The following B3GLCT variants were observed in gnomAD, a reference collection of about 807,000 sequenced individuals.
The protein encoded by B3GLCT is beta-1,3-glucosyltransferase.
A neutral mutation model predicts 63.4 loss-of-function variants in B3GLCT; 65 were observed. The ratio of observed to expected loss-of-function variants is 1.03; its 90% CI spans 0.84 to 1.26. The LOEUF (loss-of-function observed/expected upper bound fraction) is 1.26, where lower values mean the gene tolerates loss of function less well. Ranked by LOEUF, B3GLCT falls within the 50% of genes most tolerant of loss-of-function variation. B3GLCT has a pLI of 0.00. For missense variants in B3GLCT, 577 were observed against 604.8 expected (o/e 0.95, Z 0.48); for synonymous variants, 233 against 219.2 (o/e 1.06, Z -0.55).
At chr13:31,301,579 T>TC (rs1874224968) in intron 12 of B3GLCT, among the ~76,000 whole-genome samples, 1 of 152,214 alleles carries the variant, frequency 6.6e-6, no homozygotes, top group Admixed American at 6.5e-5. Context: ...CCCAGGAATT[T>TC]CCCCTTTTCA....
At chr13:31,326,738 T>C (rs1210910963) in intron 14 of B3GLCT, among the ~76,000 whole-genome samples, 1 of 152,230 alleles carries the variant, frequency 6.6e-6, no homozygotes, top group African/African-American at 2.4e-5. Context: ...TATTAGAGGC[T>C]GCATAGAGTT....
rs1368296178 is a variant in B3GLCT at position 31,284,657 on chromosome 13, T to G, written c.860T>G (p.Val287Gly). The change falls in exon 11 of 15, where the codon GTT (valine) becomes GGT (glycine). Residue 287 changes from valine to glycine, a missense_variant. By Grantham distance (109) the Val-to-Gly change is moderately radical (BLOSUM62 -3). Transcript: ENST00000343307. Reference protein sequence around the residue: ...KKFHGDRIPIVKQTWESQASL... With the variant: ...KKFHGDRIPIGKQTWESQASL... ...TCTGTAATTTTTTCAGTACCTATTG[T>G]TAAGCAGACTTGGGAGAGCCAGGCA... is the stretch of plus-strand genomic sequence containing the variant. 6.3e-6 allele frequency: 10 copies of G among 1,595,628 alleles called. No homozygotes were observed. The highest frequency in any genetic ancestry group is 8.6e-6 in the Non-Finnish European group (10 of 1,163,244).
chr13:31,258,405 A>T (rs1333141962), intron 6 of B3GLCT, among the ~76,000 whole-genome samples: 1 of 151,950 alleles, frequency 6.6e-6, no homozygotes, highest in African/African-American at 2.4e-5. Flanking sequence ...CTTCCAAAAT[A>T]TATCTCCTGT....
intron 12 of B3GLCT, among the ~76,000 whole-genome samples, chr13:31,293,617 A>C (rs1201236013): frequency 6.6e-6 from 1 of 152,062 alleles, no homozygotes; most frequent in African/African-American, 2.4e-5. Context: ...AGATAGTAGG[A>C]TTGCAACCCT....
chr13:31,260,670 A>G (rs972049837), intron 6 of B3GLCT, among the ~76,000 whole-genome samples: 1 of 152,226 alleles, frequency 6.6e-6, no homozygotes, highest in African/African-American at 2.4e-5. Flanking sequence ...ATTCTATAAA[A>G]TACAACTTTT....
At chr13:31,271,156 AT>A (rs2137850086) in intron 8 of B3GLCT, among the ~76,000 whole-genome samples, 1 of 152,334 alleles carries the variant, frequency 6.6e-6, no homozygotes, top group Non-Finnish European at 1.5e-5. Flanking sequence ...CGGACAAAAC[AT>A]TTGGTGTAAA....
At chr13:31,202,295 T>G (rs888349593) in intron 1 of B3GLCT, among the ~76,000 whole-genome samples, 15 of 152,182 alleles carry the variant, frequency 9.9e-5, no homozygotes, top group African/African-American at 2.7e-4. Context: ...TCACTGCAAC[T>G]TTGGTTCTAA....
chr13:31,227,980 C>T (rs1870185239), intron 3 of B3GLCT, among the ~76,000 whole-genome samples: 1 of 152,194 alleles, frequency 6.6e-6, no homozygotes, highest in Non-Finnish European at 1.5e-5. Flanking sequence ...AGGCCCAGAA[C>T]CTGGGGAGGC....
intron 2 of B3GLCT, among the ~76,000 whole-genome samples, chr13:31,221,787 C>G (rs544820446): frequency 1.3e-5 from 2 of 152,254 alleles, no homozygotes; most frequent in African/African-American, 4.8e-5. Flanking sequence ...TTGTTGCAGT[C>G]TGTGAAGAAA....
chr13:31,282,331 C>A (rs1337904524), intron 10 of B3GLCT, among the ~76,000 whole-genome samples: 1 of 152,026 alleles, frequency 6.6e-6, no homozygotes, highest in Non-Finnish European at 1.5e-5. Context: ...GACTTTAAAT[C>A]CTTTATGGCT....
At chr13:31,225,693 T>C (rs996324395) in intron 3 of B3GLCT, among the ~76,000 whole-genome samples, 1 of 152,188 alleles carries the variant, frequency 6.6e-6, no homozygotes, top group African/African-American at 2.4e-5. Context: ...AGTATTTTCC[T>C]GCCCTAAATT....
rs146307716 is a variant in B3GLCT, at chr13:31,290,867, G to A, written c.1064+4048G>A. Among the ~76,000 whole-genome samples the A allele has an allele frequency of 5.5e-3, 835 of 152,190 alleles. 11 individuals carry two copies. Among genetic ancestry groups the A allele is most frequent in the African/African-American group, 0.019 (803 of 41,526 alleles). ...TGTGCAGTAGCTCTTTAGTTTAATT[G>A]GATCCTGTTTGTCAATTTTGGCTTT... On this transcript the variant is annotated intron_variant, in intron 12 of 14. Transcript: ENST00000343307.
At chr13:31,261,158 G>T in intron 7 of B3GLCT, 76 bp downstream of exon 7, 1 of 1,507,482 alleles carries the variant, frequency 6.6e-7, no homozygotes. Flanking sequence ...TACTGTAACT[G>T]ATGGATCTCA....
intron 10 of B3GLCT, 147 bp downstream of exon 10, chr13:31,276,918 C>T: frequency 1.5e-6 from 1 of 684,586 alleles, no homozygotes; most frequent in Non-Finnish European, 2.6e-6. Context: ...AATCAATACT[C>T]CTCATTGCAC....
At chr13:31,209,237 G>A (rs1181171636) in intron 1 of B3GLCT, among the ~76,000 whole-genome samples, 2 of 152,170 alleles carry the variant, frequency 1.3e-5, no homozygotes, top group Admixed American at 6.5e-5. Flanking sequence ...GTGGAGAAAA[G>A]GCAGACTTTA....
chr13:31,243,666 A>G (rs1871058594), intron 4 of B3GLCT, among the ~76,000 whole-genome samples: 1 of 152,212 alleles, frequency 6.6e-6, no homozygotes, highest in African/African-American at 2.4e-5. Context: ...CAACTAATGA[A>G]TTAGAATGTT....
At chr13:31,220,978 A>G (rs997656714) in intron 2 of B3GLCT, among the ~76,000 whole-genome samples, 3 of 152,092 alleles carry the variant, frequency 2.0e-5, no homozygotes, top group African/African-American at 7.2e-5. Context: ...TTCACATCTA[A>G]TGATGTGTAT....
chr13:31,229,396 G>T, intron 4 of B3GLCT, 102 bp downstream of exon 4: 1 of 770,610 alleles, frequency 1.3e-6, no homozygotes, highest in Non-Finnish European at 2.3e-6. Context: ...TTATTTAGAC[G>T]AGAATAACTC....
At chr13:31,226,997 G>A (rs1003217763) in intron 3 of B3GLCT, among the ~76,000 whole-genome samples, 9 of 151,838 alleles carry the variant, frequency 5.9e-5, no homozygotes, top group Admixed American at 1.3e-4. Context: ...TATATGTTTG[G>A]TATATATACA....
Sources: gnomAD v4.1 joint callset for allele counts (sites outside exome capture counted in the v4.1 genomes callset) on GRCh38, gnomAD v4.1.1 for gene constraint, MANE v1.5 for transcripts, NCBI Gene and HGNC (gene_info 2026-07-23, HGNC 2026-07-21) for gene names.